Variants in GDAP1 observed in about 807,000 individuals in gnomAD.
GDAP1 encodes the protein ganglioside-induced differentiation-associated protein 1.
In GDAP1, 34 loss-of-function variants were observed where a neutral mutation model predicts 40.1. The observed-to-expected ratio is 0.85, with a 90% confidence interval of 0.64 to 1.13. The LOEUF is 1.13. GDAP1 is among the 50% of genes most tolerant of loss of function. GDAP1 has a pLI of 0.00. For synonymous variants in GDAP1, 170 were observed against 157.4 expected (o/e 1.08, Z -0.60); for missense variants, 374 against 433.7 (o/e 0.86, Z 1.22).
At chr8:74,356,716 A>ATATATATATTTTT (rs375377157) in intron 2 of GDAP1, among the ~76,000 whole-genome samples, 1 of 104,360 alleles carries the variant, frequency 9.6e-6, no homozygotes, top group African/African-American at 4.1e-5. Flanking sequence ...ATATATATAT[A>ATATATATATTTTT]TTTTTTTTTT....
Position 74,470,500 on chromosome 8 carries a change from G to T in GDAP1, c.166-18178G>T, listed in dbSNP as rs185301967. Among the ~76,000 whole-genome samples the T allele has an allele frequency of 3.2e-3, 491 of 152,088 alleles. 3 individuals carry two copies. Among genetic ancestry groups the T allele is most frequent in the African/African-American group, 0.011 (465 of 41,478 alleles). The stretch of plus-strand genomic sequence containing the variant: ...TTCCCACCTATCAGTGAGAACATGT[G>T]GTGTCTGGTTTTTTGTCCTTGCGAT... On this transcript the variant is annotated intron_variant, in intron 2 of 2. Coordinates refer to the GDAP1 transcript ENST00000523640.
At chr8:74,408,486 C>T (rs1296363796) in intron 2 of GDAP1, among the ~76,000 whole-genome samples, 1 of 150,028 alleles carries the variant, frequency 6.7e-6, no homozygotes, top group Non-Finnish European at 1.5e-5. Flanking sequence ...ATAAAAGAGG[C>T]TTCAGAGAGC....
chr8:74,462,388 T>C (rs1013018664), intron 2 of GDAP1, among the ~76,000 whole-genome samples: 6 of 152,212 alleles, frequency 3.9e-5, no homozygotes, highest in Admixed American at 3.9e-4. Context: ...TTTCCTTCAA[T>C]ACATCTAATG....
intron 2 of GDAP1, among the ~76,000 whole-genome samples, chr8:74,465,322 G>A (rs1586843063): frequency 6.6e-6 from 1 of 152,086 alleles, no homozygotes; most frequent in Non-Finnish European, 1.5e-5. Flanking sequence ...GCACCCACTT[G>A]CTCAAGCCAG....
At chr8:74,360,651 C>G (rs1809317049) in intron 3 of GDAP1, among the ~76,000 whole-genome samples, 1 of 152,160 alleles carries the variant, frequency 6.6e-6, no homozygotes, top group Non-Finnish European at 1.5e-5. Flanking sequence ...TGGGATCTGC[C>G]TAGGATTATG....
chr8:74,372,316 T>C (rs1809768384), intron 2 of GDAP1, among the ~76,000 whole-genome samples: 1 of 152,216 alleles, frequency 6.6e-6, no homozygotes, highest in African/African-American at 2.4e-5. Context: ...ATGCTATTTC[T>C]AGTTCTAGAT....
intron 2 of GDAP1, among the ~76,000 whole-genome samples, chr8:74,397,610 G>T (rs1489301401): frequency 6.6e-6 from 1 of 152,008 alleles, no homozygotes; most frequent in Non-Finnish European, 1.5e-5. Flanking sequence ...TATTAAATAG[G>T]GAATCCTTTC....
rs1491226259 is a variant in GDAP1, at chr8:74,423,400, A to ATATAC, written c.166-65274_166-65273insCTATA. 5.6e-3 allele frequency among the ~76,000 whole-genome samples: 820 copies of ATATAC among 147,700 alleles called. 9 individuals carry two copies. The highest frequency in any genetic ancestry group is 0.019 in the African/African-American group (763 of 40,718). Reference sequence around the variant, plus strand: ...TATATATGTATACTGTATATTATACATATATATAATAGTATATATACTATT... The same window carrying ATATAC: ...TATATATGTATACTGTATATTATACATATACTATATATAATAGTATATATACTATT... On this transcript the variant is annotated intron_variant, in intron 2 of 2. Coordinates refer to the GDAP1 transcript ENST00000523640.
chr8:74,361,979 G>A lies in GDAP1; in HGVS notation c.579+1G>A, dbSNP rs864622501. 8 of 1,541,184 alleles carry A rather than the reference G, an allele frequency of 5.2e-6. No individual in the cohort carries two copies. The highest frequency in any genetic ancestry group is 7.2e-6 in the Non-Finnish European group (8 of 1,115,740). On this transcript the variant is annotated splice_donor_variant, in intron 4 of 5. Coordinates refer to ENST00000220822, the MANE Select transcript of GDAP1 (RefSeq NM_018972.4). LOFTEE classifies it high-confidence loss of function. The stretch of plus-strand genomic sequence containing the variant: ...CATTGCAAAACAGAAACGACTTAAA[G>A]TAAGCCAATCAGCTGTCCTCAGTTG...
At chr8:74,376,821 T>C (rs6996537) in intron 2 of GDAP1, 122,596 of 152,106 alleles carry the variant, frequency 0.81, 49,655 homozygotes, top group African/African-American at 0.83. Context: ...AAATCTATAG[T>C]ATTCAACTTA....
At chr8:74,439,990 A>G (rs913028786) in intron 2 of GDAP1, among the ~76,000 whole-genome samples, 3 of 151,996 alleles carry the variant, frequency 2.0e-5, no homozygotes, top group African/African-American at 7.3e-5. Flanking sequence ...TCTACTTTGG[A>G]GTATCTAGTC....
chr8:74,383,009 A>G (rs1407073147), intron 2 of GDAP1, among the ~76,000 whole-genome samples: 3 of 152,232 alleles, frequency 2.0e-5, no homozygotes, highest in Non-Finnish European at 4.4e-5. Context: ...CAATTTGCTT[A>G]CAAATCCATC....
At chr8:74,417,045 ACTT>A (rs1476172245) in intron 2 of GDAP1, among the ~76,000 whole-genome samples, 1 of 148,326 alleles carries the variant, frequency 6.7e-6, no homozygotes, top group African/African-American at 2.6e-5. Flanking sequence ...GGAGAAGGGT[ACTT>A]CTTCTCCCCC....
chr8:74,433,339 T>C (rs1214344504), intron 2 of GDAP1, among the ~76,000 whole-genome samples: 2 of 152,242 alleles, frequency 1.3e-5, no homozygotes, highest in East Asian at 3.8e-4. Flanking sequence ...CATTAAAAGT[T>C]CCACGAGGGC....
intron 2 of GDAP1, among the ~76,000 whole-genome samples, chr8:74,397,586 T>G (rs1195767441): frequency 2.0e-5 from 3 of 152,286 alleles, no homozygotes; most frequent in Non-Finnish European, 4.4e-5. Flanking sequence ...CTAGCCAGTT[T>G]TCCCAGCACC....
intron 2 of GDAP1, among the ~76,000 whole-genome samples, chr8:74,473,146 G>GT (rs1563479099): frequency 1.3e-5 from 2 of 149,194 alleles, no homozygotes; most frequent in South Asian, 4.3e-4. Context: ...GAAGTTATTT[G>GT]TTTTTTTAAT....
At chr8:74,455,746 G>T (rs1463874096) in intron 2 of GDAP1, among the ~76,000 whole-genome samples, 1 of 151,842 alleles carries the variant, frequency 6.6e-6, no homozygotes, top group Non-Finnish European at 1.5e-5. Context: ...GTTTGGGTGT[G>T]CCAAGTGCTT....
chr8:74,480,064 C>T (rs1338199669), intron 2 of GDAP1, among the ~76,000 whole-genome samples: 1 of 147,712 alleles, frequency 6.8e-6, no homozygotes, highest in Non-Finnish European at 1.5e-5. Flanking sequence ...TCTTGGCTCA[C>T]TGCAACCTCT....
At chr8:74,387,653 G>A (rs1379747833) in intron 2 of GDAP1, among the ~76,000 whole-genome samples, 3 of 152,122 alleles carry the variant, frequency 2.0e-5, no homozygotes, top group Admixed American at 6.5e-5. Flanking sequence ...TTTTTTCGTT[G>A]TGTCTCTGCC....
Sources: gnomAD v4.1 joint callset for allele counts (sites outside exome capture counted in the v4.1 genomes callset) on GRCh38, gnomAD v4.1.1 for gene constraint, MANE v1.5 for transcripts, NCBI Gene and HGNC (gene_info 2026-07-23, HGNC 2026-07-21) for gene names.